MCTP2: variants seen among roughly 807,000 people sequenced by gnomAD.
The protein encoded by MCTP2 is multiple C2 and transmembrane domain-containing protein 2.
Under a neutral mutation model 111.6 loss-of-function variants are expected in MCTP2, and 132 were observed. The ratio of observed to expected loss-of-function variants is 1.18; its 90% CI spans 1.03 to 1.37. The LOEUF (loss-of-function observed/expected upper bound fraction) is 1.37. Ranked by LOEUF, MCTP2 falls within the 40% of genes most tolerant of loss-of-function variation. The pLI is 0.00. For missense variants in MCTP2, 1,183 were observed against 1,067.9 expected, an observed-to-expected ratio of 1.11 and a Z score of -1.50; for synonymous variants, 395 against 387.7, an observed-to-expected ratio of 1.02 and a Z score of -0.22.
intron 2 of MCTP2, among the ~76,000 whole-genome samples, chr15:94,306,519 G>C (rs1374075689): frequency 6.6e-6 from 1 of 152,112 alleles, no homozygotes; most frequent in East Asian, 1.9e-4. Context: ...TTCTGCAAAT[G>C]GGAGAGCTCA....
chr15:94,247,008 A>C, intron 1 of MCTP2, among the ~76,000 whole-genome samples: 1 of 152,286 alleles, frequency 6.6e-6, no homozygotes, highest in South Asian at 2.1e-4. Flanking sequence ...GGCAAATGTC[A>C]TGTTAATGCA....
intron 1 of MCTP2, among the ~76,000 whole-genome samples, chr15:94,238,556 G>A (rs1009487239): frequency 2.0e-5 from 3 of 152,166 alleles, no homozygotes; most frequent in African/African-American, 7.2e-5. Context: ...CACTGAGCAT[G>A]TGCTATACAT....
intron 1 of MCTP2, among the ~76,000 whole-genome samples, chr15:94,282,472 T>G (rs1219256717): frequency 2.0e-5 from 3 of 152,240 alleles, no homozygotes; most frequent in Admixed American, 6.5e-5. Context: ...GGATTGAATT[T>G]CAGCCTTCTC....
chr15:94,447,595 T>C (rs1384134657), intron 19 of MCTP2, among the ~76,000 whole-genome samples: 2 of 152,150 alleles, frequency 1.3e-5, no homozygotes, highest in Admixed American at 1.3e-4. Flanking sequence ...CAGGCTGGTC[T>C]GAAACTCCTG....
At chr15:94,392,845 A>C (rs993502670) in intron 14 of MCTP2, among the ~76,000 whole-genome samples, 2 of 152,074 alleles carry the variant, frequency 1.3e-5, no homozygotes, top group African/African-American at 2.4e-5. Flanking sequence ...AAACAAAAAA[A>C]AACAAAAAAC....
At chr15:94,232,496 T>C (rs999138370) in intron 1 of MCTP2, among the ~76,000 whole-genome samples, 2 of 152,196 alleles carry the variant, frequency 1.3e-5, no homozygotes, top group Non-Finnish European at 1.5e-5. Context: ...ACACCACTTA[T>C]TGAAGGATTT....
intron 22 of MCTP2, among the ~76,000 whole-genome samples, chr15:94,478,757 G>A (rs2074568283): frequency 1.3e-5 from 2 of 152,176 alleles, no homozygotes; most frequent in Admixed American, 1.3e-4. Context: ...AGAAAAATCT[G>A]CTTTTAATAT....
At chr15:94,361,611 C>A (rs954312732) in intron 10 of MCTP2, among the ~76,000 whole-genome samples, 1 of 152,144 alleles carries the variant, frequency 6.6e-6, no homozygotes, top group African/African-American at 2.4e-5. Context: ...TTTTTCTGCA[C>A]GTAAACTGTA....
chr15:94,446,188 A>G (rs1439185188), intron 19 of MCTP2, among the ~76,000 whole-genome samples: 2 of 152,238 alleles, frequency 1.3e-5, no homozygotes, highest in African/African-American at 4.8e-5. Context: ...CAGGGATAAC[A>G]TAGAACTTTC....
At chr15:94,276,772 C>T (rs1464406018) in intron 1 of MCTP2, among the ~76,000 whole-genome samples, 1 of 144,802 alleles carries the variant, frequency 6.9e-6, no homozygotes, top group African/African-American at 2.6e-5. Flanking sequence ...ATTACTTAAA[C>T]AGATGCAGGA....
intron 12 of MCTP2, among the ~76,000 whole-genome samples, chr15:94,378,409 C>G (rs77233429): frequency 0.1 from 15,246 of 151,424 alleles, 1,038 homozygotes; most frequent in Middle Eastern, 0.18. Flanking sequence ...GTAGTCCTAG[C>G]TAGTCATAGA....
chr15:94,478,358 C>T lies in MCTP2; in HGVS notation c.2569-608C>T, dbSNP rs77906756. Among the ~76,000 whole-genome samples the T allele has an allele frequency of 8.1e-3, 1,235 of 152,300 alleles. 46 individuals are homozygous for T. In the East Asian group the frequency reaches 0.099, roughly 12 times the overall value. Reference sequence around the variant, plus strand: ...TGTACAGTATGCTAGTAAGATCCTCCGTGTATCGCCAAGGGCGCTTTCTAA... The same window carrying T: ...TGTACAGTATGCTAGTAAGATCCTCTGTGTATCGCCAAGGGCGCTTTCTAA... On this transcript the variant is annotated intron_variant, in intron 22 of 22. Transcript: ENST00000357742.
intron 1 of MCTP2, among the ~76,000 whole-genome samples, chr15:94,248,273 G>A (rs1048699057): frequency 3.3e-5 from 5 of 152,278 alleles, no homozygotes; most frequent in Admixed American, 2.0e-4. Flanking sequence ...CCAAGTGTTT[G>A]ATGCACCCAT....
At position 94,483,069 on chromosome 15, in the gene MCTP2, A is replaced by C. The variant is rs1350118553; in HGVS notation, c.*4035A>C. 6.6e-6 allele frequency: 1 copy of C among 152,164 alleles called. No individual in the cohort carries two copies. Among genetic ancestry groups the C allele is most frequent in the Non-Finnish European group, 1.5e-5 (1 of 68,056 alleles). 9.4% of individuals were successfully genotyped at this position (152,164 alleles called of 1,614,324 possible). A position where few individuals can be genotyped will look rare whatever the true frequency, so the allele number is the denominator to read the frequency against. The stretch of plus-strand genomic sequence containing the variant: ...CTTGAAAAATTCCACTGTGGAGAAG[A>C]AAGGAGAGAGAGAGGGCTGGAATTT... On this transcript the variant is annotated 3_prime_UTR_variant, in exon 23 of 23. Coordinates refer to ENST00000357742, the MANE Select transcript of MCTP2 (RefSeq NM_001385001.1).
chr15:94,447,579 G>T (rs1226625071), intron 19 of MCTP2, among the ~76,000 whole-genome samples: 1 of 152,142 alleles, frequency 6.6e-6, no homozygotes, highest in African/African-American at 2.4e-5. Flanking sequence ...GTTTTACCAC[G>T]TCGGCCAGGC....
Position 94,256,617 on chromosome 15 carries a change from A to G in MCTP2, c.-66+24953A>G, listed in dbSNP as rs553970644. ...GTGAGTATCAGGAAGGCAGACCATC[A>G]CAAGAATTGGGTCTTTTCTGTGAGC... On this transcript the variant is annotated intron_variant, in intron 1 of 22. Coordinates refer to ENST00000357742, the MANE Select transcript of MCTP2 (RefSeq NM_001385001.1). Among the ~76,000 whole-genome samples, 13 of 152,328 alleles carry G rather than the reference A, an allele frequency of 8.5e-5. No homozygotes were observed. The East Asian group carries it at 2.5e-3, about 29-fold the overall frequency.
intron 20 of MCTP2, among the ~76,000 whole-genome samples, chr15:94,459,110 AT>A (rs1416516075): frequency 6.6e-6 from 1 of 152,050 alleles, no homozygotes; most frequent in African/African-American, 2.4e-5. Flanking sequence ...AAGGTTTTTA[AT>A]TTTTTTCCTT....
intron 21 of MCTP2, 72 bp from the exon 22 acceptor site, chr15:94,476,624 A>ATAGATAGT: frequency 1.3e-6 from 1 of 762,848 alleles, no homozygotes; most frequent in Non-Finnish European, 2.3e-6. Context: ...AGATAGATAG[A>ATAGATAGT]TAGATAGATA....
In MCTP2 at chr15:94,437,202, T is replaced by G. The variant is rs2152507111; in HGVS notation, c.2086-2974T>G. Among the ~76,000 whole-genome samples, 3 of 141,788 alleles carry G rather than the reference T, an allele frequency of 2.1e-5. No individual in the cohort carries two copies. In the South Asian group the frequency reaches 6.9e-4, roughly 32 times the overall value. The allele number at this position is 141,788 out of a possible 152,430, so 93.0% of individuals were successfully genotyped here. A position where few individuals can be genotyped will look rare whatever the true frequency, so the allele number is the denominator to read the frequency against. On this transcript the variant is annotated intron_variant, in intron 17 of 22. Coordinates refer to ENST00000357742, the MANE Select transcript of MCTP2 (RefSeq NM_001385001.1). ...AAGAGGTTTAGCACTAGGAGGAACG[T>G]AACATATAGAATGGAAGAAGGTGAA...
Sources: gnomAD v4.1 joint callset for allele counts (sites outside exome capture counted in the v4.1 genomes callset) on GRCh38, gnomAD v4.1.1 for gene constraint, MANE v1.5 for transcripts, NCBI Gene and HGNC (gene_info 2026-07-23, HGNC 2026-07-21) for gene names.